The following PDE5A variants were observed in gnomAD, a reference collection of about 807,000 sequenced individuals.
PDE5A encodes phosphodiesterase 5A.
In PDE5A, 67 loss-of-function variants were observed where a neutral mutation model predicts 110.2. That is an observed-to-expected ratio of 0.61 (90% CI 0.50 to 0.75). The LOEUF (loss-of-function observed/expected upper bound fraction) is 0.75. Among genes scored for constraint, PDE5A ranks in the 30% least tolerant of loss-of-function variants. The pLI is 0.00. For synonymous variants in PDE5A, 328 were observed against 351.2 expected (o/e 0.93, Z 0.74); for missense variants, 862 against 1,045.1 (o/e 0.82, Z 2.42).
chr4:119,534,369 A>T (rs1726655387), intron 11 of PDE5A, among the ~76,000 whole-genome samples: 1 of 152,084 alleles, frequency 6.6e-6, no homozygotes. Context: ...ACAGCATTAG[A>T]TTCTCATAGG....
At chr4:119,597,522 T>C (rs1185274954) in intron 2 of PDE5A, among the ~76,000 whole-genome samples, 1 of 151,686 alleles carries the variant, frequency 6.6e-6, no homozygotes, top group African/African-American at 2.4e-5. Flanking sequence ...GAGGTTAGAG[T>C]GGAATGGAAT....
intron 7 of PDE5A, among the ~76,000 whole-genome samples, chr4:119,558,896 G>C (rs578114962): frequency 8.8e-6 from 1 of 113,726 alleles, no homozygotes; most frequent in African/African-American, 3.5e-5. Context: ...CAGCCTGGGC[G>C]ACAGAGCGAG....
intron 3 of PDE5A, among the ~76,000 whole-genome samples, chr4:119,568,842 A>G (rs888319855): frequency 6.6e-6 from 1 of 152,226 alleles, no homozygotes; most frequent in African/African-American, 2.4e-5. Flanking sequence ...TTGATATGCT[A>G]TCTGTACCTG....
chr4:119,505,967 G>T lies in PDE5A; in HGVS notation c.2190-35C>A, dbSNP rs768410769. ...TTAAAAAAAAATTGTTAGTTATAAT[G>T]AGTACCCAGGGTCTTATCCCTTTGG... is the stretch of plus-strand genomic sequence containing the variant. On this transcript the variant is annotated intron_variant, in intron 16 of 20. Transcript: ENST00000354960. 5.7e-6 allele frequency: 7 copies of T among 1,218,226 alleles called. No homozygotes were observed. The South Asian group carries it at 8.1e-5, about 14-fold the overall frequency. The allele number at this position is 1,218,226 out of a possible 1,614,324, so 75.5% of individuals were successfully genotyped here.
intron 20 of PDE5A, 139 bp from the exon 21 acceptor site, chr4:119,498,877 C>A: frequency 1.3e-6 from 1 of 766,516 alleles, no homozygotes. Flanking sequence ...GCTTTGTGAG[C>A]ACATACACAG....
chr4:119,526,487 A>C (rs3775847), intron 11 of PDE5A, among the ~76,000 whole-genome samples: 40,033 of 152,096 alleles, frequency 0.26, 5,409 homozygotes, highest in East Asian at 0.38. Context: ...CACTCCTCTG[A>C]CCTTGGACCA....
chr4:119,505,713 C>A, intron 17 of PDE5A, 142 bp downstream of exon 17: 1 of 573,326 alleles, frequency 1.7e-6, no homozygotes. Context: ...ACTCTTTGTA[C>A]AACCCTCTGG....
chr4:119,604,521 T>C (rs747421443), intron 2 of PDE5A, among the ~76,000 whole-genome samples: 26 of 152,246 alleles, frequency 1.7e-4, no homozygotes, highest in Non-Finnish European at 3.1e-4. Flanking sequence ...AATACCCCTC[T>C]TGGAATCTGC....
intron 11 of PDE5A, among the ~76,000 whole-genome samples, chr4:119,538,565 T>C (rs1467547536): frequency 1.3e-5 from 2 of 152,182 alleles, no homozygotes; most frequent in Non-Finnish European, 2.9e-5. Context: ...TTATAAGCCA[T>C]ATGGTCAGAA....
intron 3 of PDE5A, among the ~76,000 whole-genome samples, chr4:119,582,633 G>A (rs928042705): frequency 9.9e-5 from 15 of 152,126 alleles, no homozygotes; most frequent in African/African-American, 2.4e-4. Context: ...ATGGCCTTAC[G>A]AAATGAATTT....
intron 3 of PDE5A, among the ~76,000 whole-genome samples, chr4:119,590,453 C>T (rs1210179402): frequency 1.3e-5 from 2 of 152,118 alleles, no homozygotes; most frequent in Non-Finnish European, 2.9e-5. Flanking sequence ...CTTTGACCTT[C>T]CAAAATAAAT....
intron 8 of PDE5A, among the ~76,000 whole-genome samples, chr4:119,552,956 C>A (rs1727410062): frequency 6.6e-6 from 1 of 151,662 alleles, no homozygotes; most frequent in East Asian, 1.9e-4. Context: ...GTAGTAAATG[C>A]CCCAAATAAT....
At chr4:119,592,338 G>A (rs1051882805) in intron 3 of PDE5A, among the ~76,000 whole-genome samples, 5 of 150,060 alleles carry the variant, frequency 3.3e-5, no homozygotes, top group Admixed American at 2.0e-4. Flanking sequence ...GGCGCCTGTA[G>A]TTCCAGGTAC....
chr4:119,505,362 T>C (rs1227332846), intron 17 of PDE5A, among the ~76,000 whole-genome samples: 1 of 151,978 alleles, frequency 6.6e-6, no homozygotes, highest in African/African-American at 2.4e-5. Context: ...TATGCAGTTC[T>C]AGATTTTCAG....
chr4:119,582,555 G>T (rs1476968662), intron 3 of PDE5A, among the ~76,000 whole-genome samples: 1 of 152,194 alleles, frequency 6.6e-6, no homozygotes, highest in South Asian at 2.1e-4. Context: ...AGAATGTTGA[G>T]TCCTTTCCAG....
At chr4:119,624,716 A>T (rs1465588049) in intron 1 of PDE5A, among the ~76,000 whole-genome samples, 1 of 152,230 alleles carries the variant, frequency 6.6e-6, no homozygotes, top group Non-Finnish European at 1.5e-5. Flanking sequence ...TTAGTAATTA[A>T]TGAAAGGTAA....
At chr4:119,504,700 C>G in intron 17 of PDE5A, 101 bp from the exon 18 acceptor site, 1 of 809,690 alleles carries the variant, frequency 1.2e-6, no homozygotes, top group Admixed American at 2.7e-5. Context: ...ACCCTCTAAA[C>G]AATGGAAATG....
At chr4:119,506,008 G>T in intron 16 of PDE5A, 76 bp from the exon 17 acceptor site, 1 of 711,064 alleles carries the variant, frequency 1.4e-6, no homozygotes, top group South Asian at 2.4e-5. Context: ...AAAGACTCAT[G>T]GACTAAATTT....
chr4:119,525,823 T>A lies in PDE5A; in HGVS notation c.1633-128A>T. 2.3e-6 allele frequency: 2 copies of A among 852,660 alleles called. No individual in the cohort carries two copies. Among genetic ancestry groups the A allele is most frequent in the Non-Finnish European group, 3.5e-6 (2 of 565,528 alleles). The allele number at this position is 852,660 out of a possible 1,614,324, so 52.8% of individuals were successfully genotyped here. On this transcript the variant is annotated intron_variant, in intron 11 of 20. Transcript: ENST00000354960. This position sits in a 1 kb window ranked among gnomAD's most constrained non-coding sequence, Gnocchi z 4.3. ...TTTTTTCCTTTTTAATGAAAGACACTAGAAACCTTTTTGTACAGTGGCAAC... is the reference window on the plus strand; with the variant it reads ...TTTTTTCCTTTTTAATGAAAGACACAAGAAACCTTTTTGTACAGTGGCAAC...
Sources: gnomAD v4.1 joint callset for allele counts (sites outside exome capture counted in the v4.1 genomes callset) on GRCh38, gnomAD v4.1.1 for gene constraint, Gnocchi (gnomAD v3.1) non-coding constraint, MANE v1.5 for transcripts, NCBI Gene and HGNC (gene_info 2026-07-23, HGNC 2026-07-21) for gene names.